The following TRIO variants were observed in gnomAD, a reference collection of about 807,000 sequenced individuals.
TRIO encodes trio Rho guanine nucleotide exchange factor.
Under a neutral mutation model 351.9 loss-of-function variants are expected in TRIO, and 58 were observed. The ratio of observed to expected loss-of-function variants is 0.16; its 90% confidence interval spans 0.13 to 0.21. The LOEUF is 0.21. TRIO is among the 10% of genes least tolerant of loss of function. TRIO has a pLI of 1.00. For synonymous variants in TRIO, 1,758 were observed against 1,595.7 expected, an observed-to-expected ratio of 1.10 and a Z score of -2.42; for missense variants, 3,201 against 4,027.8, an observed-to-expected ratio of 0.79 and a Z score of 5.56.
intron 34 of TRIO, among the ~76,000 whole-genome samples, chr5:14,422,128 G>A (rs567642000): frequency 1.3e-5 from 2 of 152,312 alleles, no homozygotes; most frequent in East Asian, 1.9e-4. Flanking sequence ...TGCAGCGAGC[G>A]AGTTAAACAT....
At chr5:14,148,187 T>G (rs1336998619) in intron 1 of TRIO, among the ~76,000 whole-genome samples, 1 of 152,204 alleles carries the variant, frequency 6.6e-6, no homozygotes, top group Non-Finnish European at 1.5e-5. Flanking sequence ...TTAACCAGAT[T>G]TAAATGAAGC....
chr5:14,370,971 A>G (rs1420323261), intron 18 of TRIO, among the ~76,000 whole-genome samples: 3 of 152,214 alleles, frequency 2.0e-5, no homozygotes, highest in Non-Finnish European at 4.4e-5. Flanking sequence ...TTGACTTGTG[A>G]TTTTTGGACT....
chr5:14,289,706 C>T (rs1485526039), intron 4 of TRIO, among the ~76,000 whole-genome samples: 3 of 151,032 alleles, frequency 2.0e-5, no homozygotes, highest in African/African-American at 7.3e-5. Context: ...AAGAATTAGC[C>T]TGGTGTGGTG....
chr5:14,472,711 A>T (rs1754778954), intron 39 of TRIO, 53 bp downstream of exon 39: 4 of 1,594,586 alleles, frequency 2.5e-6, no homozygotes. Flanking sequence ...GAGTTGTCAA[A>T]AGTAGTATCG....
intron 1 of TRIO, among the ~76,000 whole-genome samples, chr5:14,210,315 G>T (rs771896522): frequency 1.2e-4 from 18 of 152,298 alleles, no homozygotes; most frequent in Middle Eastern, 6.8e-3. Context: ...CTTGTCTGAG[G>T]CCACCAAGGT....
intron 13 of TRIO, among the ~76,000 whole-genome samples, chr5:14,360,583 A>T (rs781440737): frequency 6.6e-6 from 1 of 152,184 alleles, no homozygotes. Flanking sequence ...AGTCCTTGGC[A>T]CTCAGGCTGG....
chr5:14,365,791 A>C (rs543869758), intron 15 of TRIO, among the ~76,000 whole-genome samples: 1 of 152,350 alleles, frequency 6.6e-6, no homozygotes, highest in East Asian at 1.9e-4. Context: ...ATGATACATT[A>C]GGCTGAGATC....
intron 48 of TRIO, among the ~76,000 whole-genome samples, chr5:14,491,063 G>A (rs1045494045): frequency 6.7e-6 from 1 of 148,840 alleles, no homozygotes; most frequent in Non-Finnish European, 1.5e-5. Flanking sequence ...AAGAACAGGA[G>A]CTGGGCAGCA....
At chr5:14,488,909 G>C (rs775533896) in intron 48 of TRIO, 3 of 757,848 alleles carry the variant, frequency 4.0e-6, no homozygotes, top group Non-Finnish European at 4.8e-6. Context: ...CCTGCGGCCT[G>C]CTGGGCTCTG....
At chr5:14,398,819 C>A in intron 29 of TRIO, 61 bp from the exon 30 acceptor site, 2 of 1,474,802 alleles carry the variant, frequency 1.4e-6, no homozygotes, top group Non-Finnish European at 1.8e-6. Flanking sequence ...ATAATGCTTT[C>A]TTGTGCATCA....
intron 33 of TRIO, among the ~76,000 whole-genome samples, chr5:14,411,804 A>C (rs1407694730): frequency 1.3e-5 from 2 of 151,764 alleles, no homozygotes; most frequent in Non-Finnish European, 2.9e-5. Flanking sequence ...ACAGTATCGA[A>C]CTGTGTTTCC....
intron 1 of TRIO, among the ~76,000 whole-genome samples, chr5:14,226,400 GT>G (rs1793034835): frequency 6.6e-6 from 1 of 152,188 alleles, no homozygotes; most frequent in Non-Finnish European, 1.5e-5. Context: ...GGTGTTGCCA[GT>G]TTCATGCAGC....
chr5:14,316,527 G>A lies in TRIO; in HGVS notation c.1515G>A (p.Gly505=). The change falls in exon 9 of 57, where the codon GGG becomes GGA. Residue 505 remains glycine (G), a synonymous_variant. Transcript: ENST00000344204. ...TTTGTGGGCAGGTCAGCCAAGATGG[G>A]AAGTCGCTCCTTGACAAGCTCCAGC... is the stretch of plus-strand genomic sequence containing the variant. ...TLAYSEVSQD[G]KSLLDKLQRP... 3 of 1,614,058 alleles carry A rather than the reference G, an allele frequency of 1.9e-6. No individual in the cohort carries two copies. The highest frequency in any genetic ancestry group is 2.5e-6 in the Non-Finnish European group (3 of 1,180,012).
chr5:14,165,068 C>T (rs1788686749), intron 1 of TRIO, among the ~76,000 whole-genome samples: 1 of 152,196 alleles, frequency 6.6e-6, no homozygotes, highest in Non-Finnish European at 1.5e-5. Context: ...TCAAAGCCGT[C>T]CCCTTACCCG....
chr5:14,474,520 A>G (rs1388385048), intron 40 of TRIO, among the ~76,000 whole-genome samples: 1 of 152,188 alleles, frequency 6.6e-6, no homozygotes, highest in Non-Finnish European at 1.5e-5. Context: ...AGAGTGACTG[A>G]GTTAATACTT....
intron 34 of TRIO, chr5:14,440,716 G>A (rs1751959542): frequency 6.6e-6 from 1 of 152,070 alleles, no homozygotes; most frequent in Admixed American, 6.5e-5. Flanking sequence ...TTTTTATCAA[G>A]TCACATCAGG....
intron 4 of TRIO, among the ~76,000 whole-genome samples, chr5:14,289,514 C>T (rs772622556): frequency 4.0e-5 from 6 of 151,870 alleles, no homozygotes; most frequent in African/African-American, 1.5e-4. Context: ...CATCGCCACA[C>T]TCCAGTCTGG....
chr5:14,270,408 C>T (rs771971139), intron 1 of TRIO, among the ~76,000 whole-genome samples: 2 of 152,156 alleles, frequency 1.3e-5, no homozygotes, highest in Non-Finnish European at 2.9e-5. Context: ...TGAGCTCCCC[C>T]TAGAGGTTTT....
intron 9 of TRIO, among the ~76,000 whole-genome samples, chr5:14,323,076 G>A (rs1458683198): frequency 1.3e-5 from 2 of 152,142 alleles, no homozygotes; most frequent in Non-Finnish European, 2.9e-5. Flanking sequence ...TGGGGAAAGG[G>A]CTGGCTCCCT....
Sources: allele counts gnomAD v4.1 joint callset (sites outside exome capture counted in the v4.1 genomes callset), GRCh38; gene constraint gnomAD v4.1.1; transcripts MANE v1.5; gene names NCBI Gene and HGNC (gene_info 2026-07-23, HGNC 2026-07-21).